Variants in DCDC1 observed in about 807,000 individuals in gnomAD.
DCDC1 encodes doublecortin domain-containing protein 1.
DCDC1 carries 200 observed loss-of-function variants against 178.3 expected under a neutral mutation model. That is an observed-to-expected ratio of 1.12 (90% CI 1.00 to 1.26). The LOEUF is 1.26. Among genes scored for constraint, DCDC1 ranks in the 50% most tolerant of loss-of-function variants. The pLI is 0.00. For missense variants in DCDC1, 1,983 were observed against 1,749.2 expected, an observed-to-expected ratio of 1.13 and a Z score of -2.38; for synonymous variants, 690 against 604.8, an observed-to-expected ratio of 1.14 and a Z score of -2.07.
chr11:31,247,011 T>G (rs1251244165), intron 8 of DCDC1, among the ~76,000 whole-genome samples: 1 of 152,078 alleles, frequency 6.6e-6, no homozygotes, highest in African/African-American at 2.4e-5. Context: ...TGACGGCATA[T>G]TGCCTGTGGG....
intron 25 of DCDC1, among the ~76,000 whole-genome samples, chr11:30,919,732 A>G (rs1228425846): frequency 6.6e-6 from 1 of 152,350 alleles, no homozygotes; most frequent in South Asian, 2.1e-4. Flanking sequence ...AAACGTTCAT[A>G]TTCTTATAAT....
chr11:30,961,656 A>T (rs1949106422), intron 20 of DCDC1, among the ~76,000 whole-genome samples: 3 of 152,084 alleles, frequency 2.0e-5, no homozygotes, highest in Admixed American at 1.3e-4. Flanking sequence ...AGTGAAGAGG[A>T]TATTATTCAT....
At chr11:31,345,588 TA>T (rs749916450) in intron 1 of DCDC1, among the ~76,000 whole-genome samples, 53 of 144,656 alleles carry the variant, frequency 3.7e-4, no homozygotes, top group African/African-American at 3.0e-4. Flanking sequence ...CTCTGAAAAG[TA>T]AAAAAAAAAA....
intron 20 of DCDC1, among the ~76,000 whole-genome samples, chr11:31,018,288 C>G (rs1952624321): frequency 6.6e-6 from 1 of 152,240 alleles, no homozygotes; most frequent in African/African-American, 2.4e-5. Flanking sequence ...AAAAGAAGCT[C>G]AAAACGCTGG....
intron 11 of DCDC1, among the ~76,000 whole-genome samples, chr11:31,122,847 C>T (rs1961013666): frequency 1.3e-5 from 2 of 152,100 alleles, no homozygotes; most frequent in Admixed American, 6.6e-5. Flanking sequence ...ATTCACAATG[C>T]AACACACAGA....
chr11:31,234,879 C>A (rs1976263158), intron 9 of DCDC1, among the ~76,000 whole-genome samples: 1 of 152,168 alleles, frequency 6.6e-6, no homozygotes, highest in Non-Finnish European at 1.5e-5. Context: ...CAAACACACT[C>A]TTTCACTTTG....
chr11:31,118,529 G>T (rs770574739), intron 11 of DCDC1, among the ~76,000 whole-genome samples: 1 of 152,036 alleles, frequency 6.6e-6, no homozygotes, highest in Admixed American at 6.6e-5. Flanking sequence ...GATGTCAGTC[G>T]GTAATCCAGG....
chr11:31,187,211 T>A (rs1969606402), intron 9 of DCDC1, among the ~76,000 whole-genome samples: 1 of 152,168 alleles, frequency 6.6e-6, no homozygotes, highest in Non-Finnish European at 1.5e-5. Context: ...ACTTAGTAAA[T>A]ATTTGTTGAA....
At chr11:30,989,856 A>C (rs1244797458) in intron 20 of DCDC1, among the ~76,000 whole-genome samples, 1 of 152,152 alleles carries the variant, frequency 6.6e-6, no homozygotes, top group South Asian at 2.1e-4. Context: ...TTGAACTAGA[A>C]ACCTCTCAGG....
At chr11:31,049,818 T>C (rs981281139) in intron 20 of DCDC1, among the ~76,000 whole-genome samples, 2 of 152,078 alleles carry the variant, frequency 1.3e-5, no homozygotes, top group African/African-American at 4.8e-5. Context: ...CCGAGTGAAA[T>C]ACAGGGGTAC....
chr11:30,970,744 C>T (rs1480526546), intron 20 of DCDC1, among the ~76,000 whole-genome samples: 1 of 152,198 alleles, frequency 6.6e-6, no homozygotes, highest in Non-Finnish European at 1.5e-5. Flanking sequence ...AGCAGGGCCA[C>T]AGCACAGCCA....
intron 20 of DCDC1, among the ~76,000 whole-genome samples, chr11:31,001,533 C>G (rs1003295185): frequency 8.5e-5 from 13 of 152,170 alleles, no homozygotes; most frequent in Non-Finnish European, 1.9e-4. Flanking sequence ...TTAAGGCTTT[C>G]TCTGCCACCG....
At chr11:31,333,203 C>T (rs1449342038) in intron 2 of DCDC1, among the ~76,000 whole-genome samples, 2 of 152,056 alleles carry the variant, frequency 1.3e-5, no homozygotes, top group African/African-American at 4.8e-5. Context: ...AGGTTTGCAA[C>T]CCCTGCTCTT....
intron 20 of DCDC1, among the ~76,000 whole-genome samples, chr11:31,050,669 T>C (rs569195736): frequency 1.3e-5 from 2 of 152,262 alleles, no homozygotes; most frequent in African/African-American, 4.8e-5. Context: ...AGATGATTCA[T>C]ATCACAGAAC....
chr11:30,906,358 A>G (rs1335814568), intron 30 of DCDC1, 182 bp downstream of exon 30: 1 of 620,748 alleles, frequency 1.6e-6, no homozygotes, highest in Non-Finnish European at 2.7e-6. Context: ...CTATTAATAG[A>G]CAATGCATTT....
chr11:31,065,408 A>C (rs928394121), intron 18 of DCDC1, among the ~76,000 whole-genome samples: 9 of 152,194 alleles, frequency 5.9e-5, no homozygotes, highest in Non-Finnish European at 1.0e-4. Context: ...TAAAACAGTA[A>C]AACAATCTTA....
intron 26 of DCDC1, among the ~76,000 whole-genome samples, chr11:30,916,550 G>A (rs533140905): frequency 6.6e-6 from 1 of 152,196 alleles, no homozygotes; most frequent in East Asian, 1.9e-4. Context: ...TTATTCAGAA[G>A]TTCACTCACA....
intron 21 of DCDC1, among the ~76,000 whole-genome samples, chr11:30,942,986 A>G (rs1295718314): frequency 1.3e-5 from 2 of 152,168 alleles, no homozygotes; most frequent in African/African-American, 2.4e-5. Flanking sequence ...AGGCGTTGGG[A>G]TAATGAAGGA....
At chr11:30,866,249 G>C (rs1183727435) in intron 38 of DCDC1, among the ~76,000 whole-genome samples, 1 of 152,148 alleles carries the variant, frequency 6.6e-6, no homozygotes, top group Non-Finnish European at 1.5e-5. Context: ...AAATAACATA[G>C]ACTGGGTAGC....
Sources: gnomAD v4.1 joint callset for allele counts (sites outside exome capture counted in the v4.1 genomes callset) on GRCh38, gnomAD v4.1.1 for gene constraint, MANE v1.5 for transcripts, NCBI Gene and HGNC (gene_info 2026-07-23, HGNC 2026-07-21) for gene names.